Variants in MAN1C1 observed in about 807,000 individuals in gnomAD.
MAN1C1 encodes mannosyl-oligosaccharide 1,2-alpha-mannosidase IC.
In MAN1C1, 49 loss-of-function variants were observed where a neutral mutation model predicts 71.5. That is an observed-to-expected ratio of 0.69 (90% confidence interval 0.54 to 0.87). The LOEUF is 0.87. Among genes scored for constraint, MAN1C1 ranks in the 40% least tolerant of loss-of-function variants. MAN1C1 has a pLI of 0.00. For missense variants in MAN1C1, 743 were observed against 835.0 expected (o/e 0.89, Z 1.36); for synonymous variants, 352 against 343.7 (o/e 1.02, Z -0.27).
At chr1:25,750,316 C>T (rs769532603) in intron 4 of MAN1C1, among the ~76,000 whole-genome samples, 52 of 152,184 alleles carry the variant, frequency 3.4e-4, no homozygotes, top group Non-Finnish European at 6.5e-4. Flanking sequence ...AAAGCACAGC[C>T]CAGATATCTG....
At chr1:25,687,166 C>T (rs1173526694) in intron 2 of MAN1C1, among the ~76,000 whole-genome samples, 1 of 152,170 alleles carries the variant, frequency 6.6e-6, no homozygotes, top group African/African-American at 2.4e-5. Flanking sequence ...ACAAGCTACT[C>T]GGAAGCCAAG....
At chr1:25,619,861 G>A (rs2045179443) in intron 1 of MAN1C1, among the ~76,000 whole-genome samples, 1 of 152,140 alleles carries the variant, frequency 6.6e-6, no homozygotes, top group South Asian at 2.1e-4. Flanking sequence ...CTCCCAGTAG[G>A]GCAGTGACCC....
chr1:25,774,360 A>T (rs1270960438), intron 8 of MAN1C1, among the ~76,000 whole-genome samples: 1 of 152,122 alleles, frequency 6.6e-6, no homozygotes, highest in Non-Finnish European at 1.5e-5. Context: ...TTTAGCCCCC[A>T]TCTTACAGAT....
intron 5 of MAN1C1, among the ~76,000 whole-genome samples, chr1:25,754,464 G>A (rs11803482): frequency 0.031 from 4,666 of 151,970 alleles, 233 homozygotes; most frequent in African/African-American, 0.11. Flanking sequence ...CAGCATCTTC[G>A]TCAACTGTCC....
At chr1:25,672,991 C>T (rs898189573) in intron 1 of MAN1C1, among the ~76,000 whole-genome samples, 17 of 151,660 alleles carry the variant, frequency 1.1e-4, no homozygotes, top group African/African-American at 3.2e-4. Context: ...GGGTGACATG[C>T]GGGGAGAGAG....
At chr1:25,727,424 G>A (rs1208522638) in intron 2 of MAN1C1, among the ~76,000 whole-genome samples, 1 of 152,222 alleles carries the variant, frequency 6.6e-6, no homozygotes, top group Non-Finnish European at 1.5e-5. Flanking sequence ...AGACAGCATG[G>A]GAGGTGGAGG....
chr1:25,665,855 CTTTT>C (rs757054975), intron 1 of MAN1C1, among the ~76,000 whole-genome samples: 1 of 96,910 alleles, frequency 1.0e-5, no homozygotes, highest in African/African-American at 4.2e-5. Context: ...TTGGCATTGG[CTTTT>C]TTTTTTTTTT....
chr1:25,739,148 A>G (rs2047022810), intron 2 of MAN1C1, among the ~76,000 whole-genome samples: 1 of 152,194 alleles, frequency 6.6e-6, no homozygotes, highest in Non-Finnish European at 1.5e-5. Context: ...AAAATAAAGA[A>G]AATAGCACCT....
At position 25,782,850 on chromosome 1, in the gene MAN1C1, G is replaced by A; in HGVS notation, c.1766+150G>A. On this transcript the variant is annotated intron_variant, in intron 11 of 11. Transcript: ENST00000374332. The surrounding 1 kb of genome is among the most constrained non-coding windows in gnomAD (Gnocchi z 4.4). ...TTGGGATCCAGAGGGCTGCACCCCAGGTGTGAGCCTTGGGCCAGGCCGCTT... is the reference window on the plus strand; with the variant it reads ...TTGGGATCCAGAGGGCTGCACCCCAAGTGTGAGCCTTGGGCCAGGCCGCTT... The A allele has an allele frequency of 1.6e-6, 1 of 621,628 alleles. No homozygotes were observed. Among genetic ancestry groups the A allele is most frequent in the Non-Finnish European group, 2.8e-6 (1 of 353,190 alleles). 38.5% of individuals were successfully genotyped at this position (621,628 alleles called of 1,614,324 possible). A position where few individuals can be genotyped will look rare whatever the true frequency, so the allele number is the denominator to read the frequency against.
chr1:25,670,653 C>T (rs2045981676), intron 1 of MAN1C1, among the ~76,000 whole-genome samples: 1 of 152,180 alleles, frequency 6.6e-6, no homozygotes, highest in Non-Finnish European at 1.5e-5. Context: ...TTGGTTCATT[C>T]ATTAGACAGT....
At chr1:25,653,545 A>C (rs767938345) in intron 1 of MAN1C1, among the ~76,000 whole-genome samples, 5 of 152,194 alleles carry the variant, frequency 3.3e-5, no homozygotes, top group Non-Finnish European at 5.9e-5. Context: ...CTGGCTTCTC[A>C]AGTGGGGTGC....
At chr1:25,646,576 C>G (rs2045617683) in intron 1 of MAN1C1, among the ~76,000 whole-genome samples, 1 of 152,204 alleles carries the variant, frequency 6.6e-6, no homozygotes, top group Non-Finnish European at 1.5e-5. Flanking sequence ...AAATGGAAAA[C>G]CATACCCATT....
intron 1 of MAN1C1, among the ~76,000 whole-genome samples, chr1:25,619,432 C>T (rs1412483436): frequency 6.6e-6 from 1 of 152,240 alleles, no homozygotes; most frequent in Non-Finnish European, 1.5e-5. Flanking sequence ...GGATCAGGAC[C>T]TGCCCTGTCA....
rs923769185 is a variant in MAN1C1, at chr1:25,631,802, G to T, written c.540+13465G>T. On this transcript the variant is annotated intron_variant, in intron 1 of 11. Coordinates refer to ENST00000374332, the MANE Select transcript of MAN1C1 (RefSeq NM_020379.4). The surrounding 1 kb of genome is among the most constrained non-coding windows in gnomAD (Gnocchi z 4.2). ...GGATTTCCTCTTTCTTAATCTTTTG[G>T]AATAGTTTCAGTAGCTGGAGTGTAG... Among the ~76,000 whole-genome samples, 4 of 152,244 alleles carry T rather than the reference G, an allele frequency of 2.6e-5. No individual in the cohort carries two copies. Among genetic ancestry groups the T allele is most frequent in the African/African-American group, 7.2e-5 (3 of 41,548 alleles).
intron 1 of MAN1C1, among the ~76,000 whole-genome samples, chr1:25,675,009 T>C (rs1447478720): frequency 6.6e-6 from 1 of 152,178 alleles, no homozygotes; most frequent in Non-Finnish European, 1.5e-5. Flanking sequence ...GAGAAGTGGA[T>C]GGAGAGATAC....
At position 25,617,949 on chromosome 1, in the gene MAN1C1, G is replaced by A. The variant is rs1557735071; in HGVS notation, c.152G>A (p.Arg51His). Reference sequence around the variant, plus strand: ...CTGCCCCACTCCTCTCGCCTCAAGCGCCTCTTCCTGGCCCCCCGGACCCAG... The same window carrying A: ...CTGCCCCACTCCTCTCGCCTCAAGCACCTCTTCCTGGCCCCCCGGACCCAG... ...FLLPHSSRLK[R>H]LFLAPRTQQP... The change falls in exon 1 of 12, where the codon CGC becomes CAC. Residue 51 changes from arginine to histidine, a missense_variant. By Grantham distance (29) the Arg-to-His change is conservative (BLOSUM62 0). Transcript: ENST00000374332. This position sits in a 1 kb window ranked among gnomAD's most constrained non-coding sequence, Gnocchi z 5.1. The A allele has an allele frequency of 5.0e-6, 8 of 1,608,178 alleles. No homozygotes were observed. The highest frequency in any genetic ancestry group is 2.7e-5 in the African/African-American group (2 of 74,312).
chr1:25,622,154 T>C (rs1391994092), intron 1 of MAN1C1, among the ~76,000 whole-genome samples: 1 of 152,214 alleles, frequency 6.6e-6, no homozygotes, highest in Non-Finnish European at 1.5e-5. Flanking sequence ...GAATGTGGAT[T>C]GAATTTCCCC....
intron 2 of MAN1C1, among the ~76,000 whole-genome samples, chr1:25,721,645 A>G (rs2046767697): frequency 6.6e-6 from 1 of 152,234 alleles, no homozygotes; most frequent in Non-Finnish European, 1.5e-5. Flanking sequence ...GAACTCATTC[A>G]TCAGTTGTAA....
intron 1 of MAN1C1, among the ~76,000 whole-genome samples, chr1:25,684,210 C>G (rs1452161641): frequency 1.3e-5 from 2 of 152,070 alleles, no homozygotes; most frequent in Non-Finnish European, 2.9e-5. Context: ...TGCCTCTCTC[C>G]CCCGATACTG....
Sources: gnomAD v4.1 joint callset for allele counts (sites outside exome capture counted in the v4.1 genomes callset) on GRCh38, gnomAD v4.1.1 for gene constraint, Gnocchi (gnomAD v3.1) non-coding constraint, MANE v1.5 for transcripts, NCBI Gene and HGNC (gene_info 2026-07-23, HGNC 2026-07-21) for gene names.